Variants in LGALS16 observed in about 807,000 individuals in gnomAD.
LGALS16 encodes the protein galectin 16, also known as galectin-16.
A neutral mutation model predicts 13.2 loss-of-function variants in LGALS16; 15 were observed. The ratio of observed to expected loss-of-function variants is 1.13; its 90% confidence interval spans 0.76 to 1.75. The LOEUF is 1.75. LGALS16 is among the 40% of genes most tolerant of loss of function. LGALS16 has a pLI of 0.00. For synonymous variants in LGALS16, 66 were observed against 65.4 expected, an observed-to-expected ratio of 1.01 and a Z score of -0.05; for missense variants, 198 against 178.4, an observed-to-expected ratio of 1.11 and a Z score of -0.63.
intron 2 of LGALS16, 44 bp downstream of exon 2, chr19:39,658,003 G>A: frequency 1.2e-6 from 2 of 1,605,476 alleles, no homozygotes; most frequent in Non-Finnish European, 8.5e-7. Context: ...GGAGAAAGGA[G>A]AATATTTGCT....
chr19:39,657,787 CT>C (rs746573634), intron 1 of LGALS16, 95 bp from the exon 2 acceptor site: 2 of 1,382,490 alleles, frequency 1.4e-6, no homozygotes, highest in Non-Finnish European at 2.0e-6. Context: ...AGAGCCTGCC[CT>C]GTGATCTCTA....
intron 3 of LGALS16, among the ~76,000 whole-genome samples, chr19:39,660,174 T>G (rs1221100071): frequency 6.6e-6 from 1 of 151,954 alleles, no homozygotes; most frequent in African/African-American, 2.4e-5. Context: ...TGACACAGAG[T>G]GTAGAACTTC....
At chr19:39,659,280 C>T (rs1016927118) in intron 3 of LGALS16, among the ~76,000 whole-genome samples, 2 of 151,984 alleles carry the variant, frequency 1.3e-5, no homozygotes, top group African/African-American at 4.8e-5. Flanking sequence ...GGGGTTTCAC[C>T]ATGTTGGCCA....
chr19:39,657,112 A>G (rs1973203167), intron 1 of LGALS16, among the ~76,000 whole-genome samples: 1 of 152,094 alleles, frequency 6.6e-6, no homozygotes, highest in Admixed American at 6.5e-5. Flanking sequence ...AACTTTAAAT[A>G]TCAGACTGCC....
intron 1 of LGALS16, among the ~76,000 whole-genome samples, chr19:39,656,205 T>A (rs531106707): frequency 6.6e-6 from 1 of 152,296 alleles, no homozygotes; most frequent in South Asian, 2.1e-4. Flanking sequence ...TGGTATCTGA[T>A]GAGAGTGAAC....
At chr19:39,659,042 A>G (rs1227931577) in intron 3 of LGALS16, among the ~76,000 whole-genome samples, 1 of 151,838 alleles carries the variant, frequency 6.6e-6, no homozygotes, top group African/African-American at 2.4e-5. Flanking sequence ...TTGGGCCCCA[A>G]TTCTACTCAT....
chr19:39,660,484 C>A lies in LGALS16; in HGVS notation c.393C>A (p.Ser131=). The A allele has an allele frequency of 6.5e-7, 1 of 1,543,220 alleles. No homozygotes were observed. The highest frequency in any genetic ancestry group is 2.4e-5 in the East Asian group (1 of 41,496). Residue 131 remains serine, a synonymous_variant, in exon 4 of 4, where the codon TCC becomes TCA. Coordinates refer to ENST00000392051, the MANE Select transcript of LGALS16 (RefSeq NM_001190441.3). ...VKMIQVWRDV[S]LDSVLVNNGR... is the part of the protein sequence containing the mutation. ...TGATTCAAGTGTGGAGAGATGTCTC[C>A]CTGGACTCAGTGCTTGTCAACAATG...
At chr19:39,657,762 A>T in intron 1 of LGALS16, 121 bp from the exon 2 acceptor site, 1 of 1,071,926 alleles carries the variant, frequency 9.3e-7, no homozygotes, top group African/African-American at 1.5e-5. Flanking sequence ...GGTAGAGTGA[A>T]TGGGGAGAGT....
chr19:39,656,690 A>G (rs1422473712), intron 1 of LGALS16, among the ~76,000 whole-genome samples: 1 of 151,978 alleles, frequency 6.6e-6, no homozygotes, highest in South Asian at 2.1e-4. Flanking sequence ...GGGAAGAGGA[A>G]TGGAGACTAT....
intron 2 of LGALS16, 101 bp from the exon 3 acceptor site, chr19:39,658,359 A>G: frequency 9.5e-6 from 10 of 1,048,350 alleles, no homozygotes; most frequent in Non-Finnish European, 1.3e-5. Context: ...ATCAGAGAGA[A>G]TTTTACCCTG....
At chr19:39,658,740 C>G (rs991490573) in intron 3 of LGALS16, 70 bp downstream of exon 3, 6 of 979,348 alleles carry the variant, frequency 6.1e-6, no homozygotes, top group East Asian at 2.6e-5. Context: ...CTCTCATTGA[C>G]CTGGCCTCAC....
At chr19:39,659,004 A>C (rs773216769) in intron 3 of LGALS16, among the ~76,000 whole-genome samples, 1 of 152,160 alleles carries the variant, frequency 6.6e-6, no homozygotes, top group Non-Finnish European at 1.5e-5. Flanking sequence ...TTTTTCTATC[A>C]ATCAAAAATT....
intron 1 of LGALS16, among the ~76,000 whole-genome samples, chr19:39,657,003 C>A (rs1248734959): frequency 6.6e-6 from 1 of 152,026 alleles, no homozygotes; most frequent in Non-Finnish European, 1.5e-5. Flanking sequence ...TGGCTCACGG[C>A]TATAATCCCA....
At chr19:39,656,738 G>T (rs930573461) in intron 1 of LGALS16, among the ~76,000 whole-genome samples, 1 of 152,018 alleles carries the variant, frequency 6.6e-6, no homozygotes, top group Non-Finnish European at 1.5e-5. Flanking sequence ...TGCACAGAGT[G>T]ACCACTGTCT....
chr19:39,658,477 A>C lies in LGALS16; in HGVS notation c.110A>C (p.Gln37Pro), dbSNP rs1293612597. ...IDSSINEPQL[Q>P]VDFYTEMNED... ...GCCCTCAGCAACGAACCACAGCTGC[A>C]GGTGGATTTCTACACTGAGATGAAT... Residue 37 changes from glutamine to proline, a missense_variant, in exon 3 of 4, where the codon CAG (glutamine) becomes CCG (proline). By Grantham distance (76) the Gln-to-Pro change is moderately conservative (BLOSUM62 -1). Transcript: ENST00000392051. 2 of 1,601,610 alleles carry C rather than the reference A, an allele frequency of 1.2e-6. No homozygotes were observed. Among genetic ancestry groups the C allele is most frequent in the South Asian group, 1.1e-5 (1 of 90,012 alleles).
chr19:39,658,006 T>C (rs764717848), intron 2 of LGALS16, 47 bp downstream of exon 2: 9 of 1,604,380 alleles, frequency 5.6e-6, no homozygotes, highest in Admixed American at 3.3e-5. Context: ...GAAAGGAGAA[T>C]ATTTGCTAAG....
At chr19:39,658,827 C>T (rs1255067759) in intron 3 of LGALS16, among the ~76,000 whole-genome samples, 157 bp downstream of exon 3, 3 of 152,130 alleles carry the variant, frequency 2.0e-5, no homozygotes, top group Non-Finnish European at 1.5e-5. Context: ...CTTGCACTGC[C>T]GTCCTCAGCT....
chr19:39,658,665 T>C lies in LGALS16; in HGVS notation c.298T>C (p.Tyr100His), dbSNP rs773736751. The C allele has an allele frequency of 6.4e-7, 1 of 1,570,978 alleles. No individual in the cohort carries two copies. Among genetic ancestry groups the C allele is most frequent in the Non-Finnish European group, 8.6e-7 (1 of 1,161,938 alleles). Reference protein sequence around the residue: ...DLRIYVCHNEYEVKVNGEYIY... With the variant: ...DLRIYVCHNEHEVKVNGEYIY... ...GCGCATCTACGTGTGTCACAATGAG[T>C]ATGAGGTGAGCACCCCAGGAGCTCG... is the stretch of plus-strand genomic sequence containing the variant. Residue 100 changes from tyrosine to histidine, a missense_variant, in exon 3 of 4, where the codon TAT (tyrosine) becomes CAT (histidine). Physicochemically the swap from Tyr to His is moderately conservative, Grantham distance 83. Transcript: ENST00000392051.
chr19:39,660,452 GTGAAGA>G lies in LGALS16; in HGVS notation c.365_370del (p.Lys122_Met123del), dbSNP rs773031354. On this transcript the variant is annotated inframe_deletion, in exon 4 of 4. Transcript: ENST00000392051. ...TGTCCATCGAATCCCGCCATCATAT[GTGAAGA>G]TGATTCAAGTGTGGAGAGATGTCTC... The G allele has an allele frequency of 2.3e-5, 35 of 1,541,902 alleles. No individual in the cohort carries two copies. Among genetic ancestry groups the G allele is most frequent in the African/African-American group, 5.5e-5 (4 of 73,270 alleles).
Sources: allele counts gnomAD v4.1 joint callset (sites outside exome capture counted in the v4.1 genomes callset), GRCh38; gene constraint gnomAD v4.1.1; transcripts MANE v1.5; gene names NCBI Gene and HGNC (gene_info 2026-07-23, HGNC 2026-07-21).